Variants in SCML4 observed in about 807,000 individuals in gnomAD.
SCML4 encodes the protein sex comb on midleg-like protein 4.
SCML4 carries 34 observed loss-of-function variants against 41.1 expected under a neutral mutation model. The observed-to-expected ratio is 0.83, with a 90% CI of 0.63 to 1.10. The LOEUF (loss-of-function observed/expected upper bound fraction) is 1.10, where lower values mean the gene tolerates loss of function less well. Among genes scored for constraint, SCML4 ranks in the 50% least tolerant of loss-of-function variants. The pLI, the probability that SCML4 is intolerant of heterozygous loss-of-function variation, is 0.00. For missense variants in SCML4, 522 were observed against 534.1 expected, an observed-to-expected ratio of 0.98 and a Z score of 0.22; for synonymous variants, 214 against 220.9, an observed-to-expected ratio of 0.97 and a Z score of 0.28.
At chr6:107,708,181 T>C (rs941192393) in intron 6 of SCML4, among the ~76,000 whole-genome samples, 170 bp from the exon 7 acceptor site, 12 of 152,182 alleles carry the variant, frequency 7.9e-5, no homozygotes, top group African/African-American at 2.9e-4. Flanking sequence ...GTGGCAGCTC[T>C]ATCAGCAGCC....
At chr6:107,735,385 G>A (rs72933108) in intron 5 of SCML4, among the ~76,000 whole-genome samples, 6,893 of 152,186 alleles carry the variant, frequency 0.045, 302 homozygotes, top group East Asian at 0.13. Context: ...CAGGTGCAAA[G>A]GCATCTGCAG....
intron 5 of SCML4, among the ~76,000 whole-genome samples, chr6:107,730,109 G>A (rs1266296512): frequency 6.6e-6 from 1 of 152,202 alleles, no homozygotes; most frequent in Non-Finnish European, 1.5e-5. Context: ...AGGAGCTTAA[G>A]AATTTAATTG....
At chr6:107,758,630 G>A (rs9373975) in intron 2 of SCML4, among the ~76,000 whole-genome samples, 22,237 of 152,158 alleles carry the variant, frequency 0.15, 1,942 homozygotes, top group Middle Eastern at 0.2. Flanking sequence ...CTTGATACAG[G>A]CACAGACACC....
intron 5 of SCML4, among the ~76,000 whole-genome samples, chr6:107,744,394 A>G (rs1777869447): frequency 6.6e-6 from 1 of 152,164 alleles, no homozygotes; most frequent in Non-Finnish European, 1.5e-5. Flanking sequence ...CCATCTTGTG[A>G]TGAGAACGAA....
upstream of SCML4, chr6:107,824,428 A>AACAC (rs1785162176): frequency 6.6e-6 from 1 of 151,386 alleles, no homozygotes; most frequent in African/African-American, 2.4e-5. Context: ...GCTTTTAAAG[A>AACAC]ACACACACAT....
At chr6:107,842,625 C>G in the SCML4 span, among the ~76,000 whole-genome samples, 1 of 152,200 alleles carries the variant, frequency 6.6e-6, no homozygotes, top group South Asian at 2.1e-4. Flanking sequence ...AACTCCTGAT[C>G]TCAAGTGATC....
intron 5 of SCML4, among the ~76,000 whole-genome samples, chr6:107,728,010 C>T (rs535321821): frequency 9.2e-4 from 140 of 152,264 alleles, no homozygotes; most frequent in African/African-American, 3.2e-3. Context: ...CCAATGTTAG[C>T]TGTAAGGCTG....
intron 3 of SCML4, among the ~76,000 whole-genome samples, chr6:107,747,549 T>C (rs2114500647): frequency 6.6e-6 from 1 of 151,244 alleles, no homozygotes; most frequent in East Asian, 1.9e-4. Context: ...TGTATTAATG[T>C]ATTGGGTGAA....
the SCML4 span, among the ~76,000 whole-genome samples, chr6:107,836,570 C>T: frequency 6.6e-6 from 1 of 152,214 alleles, no homozygotes; most frequent in African/African-American, 2.4e-5. Flanking sequence ...ACCCTGGTCA[C>T]AGCATACAGA....
intron 1 of SCML4, among the ~76,000 whole-genome samples, chr6:107,792,321 A>G (rs771705207): frequency 1.3e-5 from 2 of 152,246 alleles, no homozygotes; most frequent in African/African-American, 4.8e-5. Context: ...AGGCAGGCCT[A>G]TCATCAGATA....
Position 107,817,721 on chromosome 6 carries a change from T to C in SCML4, c.-60+6405A>G, listed in dbSNP as rs139610691. Among the ~76,000 whole-genome samples the C allele has an allele frequency of 4.6e-5, 7 of 151,878 alleles. No individual in the cohort carries two copies. The East Asian group carries it at 1.4e-3, about 29-fold the overall frequency. ...AATTTATTCTTCTTTACTGGGTTCA[T>C]GCCAAATGACTTCTAACTAAAAGAG... On this transcript the variant is annotated intron_variant, in intron 1 of 7. Transcript: ENST00000369020.
chr6:107,751,257 A>T (rs964909814), intron 2 of SCML4, among the ~76,000 whole-genome samples: 16 of 152,230 alleles, frequency 1.1e-4, no homozygotes, highest in African/African-American at 3.9e-4. Context: ...GTTGTACTTT[A>T]GGCTGACATT....
intron 1 of SCML4, among the ~76,000 whole-genome samples, chr6:107,773,930 C>A (rs1256437587): frequency 6.6e-6 from 1 of 152,152 alleles, no homozygotes; most frequent in Non-Finnish European, 1.5e-5. Context: ...CTGCTCAGGA[C>A]AGAAAATATA....
At chr6:107,806,886 T>G (rs1265111947) in intron 1 of SCML4, among the ~76,000 whole-genome samples, 2 of 152,202 alleles carry the variant, frequency 1.3e-5, no homozygotes, top group Non-Finnish European at 2.9e-5. Context: ...GGGCAGAGCT[T>G]CAGGCCCCAC....
At chr6:107,726,644 G>A (rs1048170792) in intron 5 of SCML4, among the ~76,000 whole-genome samples, 1 of 151,714 alleles carries the variant, frequency 6.6e-6, no homozygotes, top group East Asian at 1.9e-4. Flanking sequence ...TATACAAATG[G>A]CCAGTAGGCA....
chr6:107,728,561 G>C (rs757859644), intron 5 of SCML4, among the ~76,000 whole-genome samples: 1 of 152,092 alleles, frequency 6.6e-6, no homozygotes, highest in Non-Finnish European at 1.5e-5. Context: ...GTGAGCTGAG[G>C]TTGCATCACT....
rs1562218800 is a variant in SCML4, at chr6:107,751,616, T to TCTCTCTCTC, written c.157-1804_157-1803insGAGAGAGAG. ...TTTCTTTCTTTCTTTCTTTCTTTCT[T>TCTCTCTCTC]TCTTTCTTTCTTTCTTTCTTTCTTT... On this transcript the variant is annotated intron_variant, in intron 2 of 7. Transcript: ENST00000369020. Among the ~76,000 whole-genome samples the TCTCTCTCTC allele has an allele frequency of 6.1e-5, 9 of 147,694 alleles. No individual in the cohort carries two copies. In the East Asian group the frequency reaches 6.4e-4, roughly 10 times the overall value.
At chr6:107,715,585 A>G (rs1355677435) in intron 6 of SCML4, among the ~76,000 whole-genome samples, 1 of 152,192 alleles carries the variant, frequency 6.6e-6, no homozygotes. Context: ...CTTGGTGATT[A>G]TATCTTGGAT....
At chr6:107,835,201 A>C in the SCML4 span, among the ~76,000 whole-genome samples, 1 of 151,898 alleles carries the variant, frequency 6.6e-6, no homozygotes, top group African/African-American at 2.4e-5. Context: ...TCTCTACTAA[A>C]AGTACAAAAA....
Sources: gnomAD v4.1 joint callset for allele counts (sites outside exome capture counted in the v4.1 genomes callset) on GRCh38, gnomAD v4.1.1 for gene constraint, MANE v1.5 for transcripts, NCBI Gene and HGNC (gene_info 2026-07-23, HGNC 2026-07-21) for gene names.